Variants in RRBP1 observed in about 807,000 individuals in gnomAD.
RRBP1 encodes the protein ribosome binding protein 1, also known as ribosome-binding protein 1.
In RRBP1, 94 loss-of-function variants were observed where a neutral mutation model predicts 165.2. That is an observed-to-expected ratio of 0.57 (90% CI 0.48 to 0.68). The LOEUF (loss-of-function observed/expected upper bound fraction) is 0.68, where lower values mean the gene tolerates loss of function less well. RRBP1 is among the 30% of genes least tolerant of loss of function. The pLI, the probability that RRBP1 is intolerant of heterozygous loss-of-function variation, is 0.00. For missense variants in RRBP1, 1,676 were observed against 1,763.0 expected, an observed-to-expected ratio of 0.95 and a Z score of 0.88; for synonymous variants, 680 against 714.5, an observed-to-expected ratio of 0.95 and a Z score of 0.77.
At chr20:17,645,508 T>C (rs2036448455) in intron 3 of RRBP1, among the ~76,000 whole-genome samples, 1 of 152,242 alleles carries the variant, frequency 6.6e-6, no homozygotes, top group African/African-American at 2.4e-5. Context: ...CTACCTTTTA[T>C]ACTGTTTTTA....
At chr20:17,679,820 T>C (rs546608048) in intron 2 of RRBP1, among the ~76,000 whole-genome samples, 179 bp downstream of exon 2, 2 of 152,332 alleles carry the variant, frequency 1.3e-5, no homozygotes, top group African/African-American at 2.4e-5. Context: ...AGAGGCAGAT[T>C]CCTAAGTATG....
At chr20:17,628,196 G>A (rs2122294812) in intron 9 of RRBP1, among the ~76,000 whole-genome samples, 1 of 152,212 alleles carries the variant, frequency 6.6e-6, no homozygotes, top group South Asian at 2.1e-4. Flanking sequence ...ACCTCAGACA[G>A]TCCCATGGGT....
intron 2 of RRBP1, among the ~76,000 whole-genome samples, chr20:17,666,801 A>T (rs1044470688): frequency 6.6e-6 from 1 of 152,242 alleles, no homozygotes; most frequent in Non-Finnish European, 1.5e-5. Flanking sequence ...ATCTTTCCTC[A>T]GGTTAAGTAG....
chr20:17,681,839 G>A (rs1165519565), intron 1 of RRBP1, among the ~76,000 whole-genome samples, 189 bp downstream of exon 1: 1 of 148,758 alleles, frequency 6.7e-6, no homozygotes. Context: ...GCGCTTGCCC[G>A]GCACCCCCGC....
rs1250757266 is a variant in RRBP1 at position 17,636,709 on chromosome 20, G to C, written c.2205C>G (p.Ala735=). The stretch of plus-strand genomic sequence containing the variant: ...CTTTGGCCTCCCCGGCTGCTGCTTT[G>C]GCCTTTTCTGCTGCCATCTCCTGGG... ...ELNKEMAAEK[A]KAAAGEAKVK... Residue 735 remains alanine, a synonymous_variant, in exon 6 of 25, where the codon GCC becomes GCG. Coordinates refer to ENST00000377813, the MANE Select transcript of RRBP1 (RefSeq NM_001365613.2). 6.2e-7 allele frequency: 1 copy of C among 1,612,946 alleles called. No individual in the cohort carries two copies. The highest frequency in any genetic ancestry group is 8.5e-7 in the Non-Finnish European group (1 of 1,180,034).
intron 11 of RRBP1, 47 bp downstream of exon 11, chr20:17,627,301 C>T (rs1485416393): frequency 6.2e-7 from 1 of 1,605,352 alleles, no homozygotes; most frequent in South Asian, 1.1e-5. Flanking sequence ...TCTTTGGTCC[C>T]CCGGGCTGAG....
intron 5 of RRBP1, 174 bp downstream of exon 5, chr20:17,641,623 G>A (rs769787987): frequency 8.2e-5 from 62 of 760,612 alleles, no homozygotes; most frequent in Non-Finnish European, 1.2e-4. Flanking sequence ...GTGAGCTGCC[G>A]GCCCTTGGCT....
At chr20:17,667,485 A>G (rs1031455685) in intron 2 of RRBP1, among the ~76,000 whole-genome samples, 1 of 152,152 alleles carries the variant, frequency 6.6e-6, no homozygotes, top group Non-Finnish European at 1.5e-5. Flanking sequence ...GCAAATATTT[A>G]AGGCAATAAA....
chr20:17,627,254 C>T, intron 11 of RRBP1, 94 bp downstream of exon 11: 1 of 1,310,732 alleles, frequency 7.6e-7, no homozygotes, highest in South Asian at 1.4e-5. Context: ...CTGCAGAGGA[C>T]CTGAGCACCC....
In RRBP1 at chr20:17,643,060, C is replaced by T; in HGVS notation, c.1980G>A (p.Met660Ile). Residue 660 changes from methionine to isoleucine, a missense_variant, in exon 4 of 25, where the codon ATG becomes ATA. Met to Ile is a conservative substitution (Grantham distance 10). This residue lies in a region of RRBP1 where 1,184 missense variants were observed against 1,167.1 expected (regional missense o/e 1.01). Transcript: ENST00000377813. This position sits in a 1 kb window ranked among gnomAD's most constrained non-coding sequence, Gnocchi z 4.3. ...YKTLVSTVGS[M>I]VFNEGEAQRL... is the part of the protein sequence containing the mutation. Reference sequence around the variant, plus strand: ...GCTGGGCCTCGCCCTCGTTGAACACCATGCTCCCAACCGTGGAGACCAGCG... The same window carrying T: ...GCTGGGCCTCGCCCTCGTTGAACACTATGCTCCCAACCGTGGAGACCAGCG... 5 of 1,614,146 alleles carry T rather than the reference C, an allele frequency of 3.1e-6. No individual in the cohort carries two copies. Among genetic ancestry groups the T allele is most frequent in the Non-Finnish European group, 4.2e-6 (5 of 1,180,028 alleles).
intron 5 of RRBP1, among the ~76,000 whole-genome samples, chr20:17,638,548 G>C (rs6080754): frequency 4.3e-4 from 65 of 152,278 alleles, no homozygotes; most frequent in African/African-American, 1.4e-3. Flanking sequence ...TTTGCCTCTA[G>C]GCTTTTTAAA....
At chr20:17,627,482 T>C (rs762502784) in intron 10 of RRBP1, 22 bp downstream of exon 10, 2 of 1,605,784 alleles carry the variant, frequency 1.2e-6, no homozygotes, top group South Asian at 1.1e-5. Context: ...TTCCTCCCCG[T>C]GGCCCCAGGC....
intron 22 of RRBP1, 119 bp downstream of exon 22, chr20:17,615,801 AAGGCCC>A: frequency 1.2e-6 from 1 of 841,360 alleles, no homozygotes; most frequent in Non-Finnish European, 1.8e-6. Flanking sequence ...TGCTGCCCAG[AAGGCCC>A]AGGCCCAGCC....
Position 17,618,667 on chromosome 20 carries a change from G to C in RRBP1, c.3688C>G (p.Leu1230Val). Residue 1230 changes from leucine to valine, a missense_variant, in exon 20 of 25, where the codon CTC becomes GTC. By Grantham distance (32) the Leu-to-Val change is conservative (BLOSUM62 1). This residue lies in a region of RRBP1 where 1,184 missense variants were observed against 1,167.1 expected (regional missense o/e 1.01). Transcript: ENST00000377813. Reference protein sequence around the residue: ...AKEVAGLRQLLLESQSQLDAA... With the variant: ...AKEVAGLRQLVLESQSQLDAA... ...TCGAGCTGAGATTGAGATTCTAGGA[G>C]AAGTTGCCTCAGCTTGGGGAGAAAA... 1 of 1,613,872 alleles carries C rather than the reference G, an allele frequency of 6.2e-7. No individual in the cohort carries two copies. Among genetic ancestry groups the C allele is most frequent in the Non-Finnish European group, 8.5e-7 (1 of 1,179,916 alleles).
At chr20:17,653,662 C>T (rs2036597602) in intron 3 of RRBP1, among the ~76,000 whole-genome samples, 1 of 152,066 alleles carries the variant, frequency 6.6e-6, no homozygotes, top group Non-Finnish European at 1.5e-5. Context: ...GGTGAAACCC[C>T]ATCTCTACTA....
intron 2 of RRBP1, among the ~76,000 whole-genome samples, chr20:17,678,778 C>G (rs1305055276): frequency 6.6e-6 from 1 of 152,166 alleles, no homozygotes; most frequent in Non-Finnish European, 1.5e-5. Context: ...TAAATTGCTA[C>G]TTGTGGCTAC....
At chr20:17,631,256 C>G (rs2036146237) in intron 8 of RRBP1, among the ~76,000 whole-genome samples, 1 of 152,240 alleles carries the variant, frequency 6.6e-6, no homozygotes, top group African/African-American at 2.4e-5. Context: ...CTGCCTCGAC[C>G]AGGATACATA....
chr20:17,617,851 A>T lies in RRBP1; in HGVS notation c.3759+745T>A, dbSNP rs112327847. 2.4e-3 allele frequency among the ~76,000 whole-genome samples: 362 copies of T among 152,358 alleles called. 2 individuals are homozygous for T. The highest frequency in any genetic ancestry group is 8.3e-3 in the African/African-American group (344 of 41,580). On this transcript the variant is annotated intron_variant, in intron 20 of 24. Transcript: ENST00000377813. ...CCTGTTGACAACTAATTCAAGATTTAAAAAAACACCGCAGATCAAACAGAA... is the reference window on the plus strand; with the variant it reads ...CCTGTTGACAACTAATTCAAGATTTTAAAAAACACCGCAGATCAAACAGAA...
chr20:17,615,541 G>A lies in RRBP1; in HGVS notation c.3952-12C>T. ...GCCGAGGTCTGAGCCTTGCCGGAGA[G>A]GGAAGTGAGGTCTGGGTGAGACGTC... On this transcript the variant is annotated splice_polypyrimidine_tract_variant and intron_variant, in intron 22 of 24. Transcript: ENST00000377813. 1 of 1,594,420 alleles carries A rather than the reference G, an allele frequency of 6.3e-7. No individual in the cohort carries two copies. The highest frequency in any genetic ancestry group is 1.1e-5 in the South Asian group (1 of 88,068).
Sources: allele counts gnomAD v4.1 joint callset (sites outside exome capture counted in the v4.1 genomes callset), GRCh38; gene constraint gnomAD v4.1.1; regional missense constraint gnomAD v4.1.1; non-coding constraint Gnocchi (gnomAD v3.1); transcripts MANE v1.5; gene names NCBI Gene and HGNC (gene_info 2026-07-23, HGNC 2026-07-21).